The following LHFPL7 variants were observed in gnomAD, a reference collection of about 807,000 sequenced individuals.
LHFPL7 encodes LHFPL tetraspan subfamily member 7 protein.
At chr22:24,937,954 A>G in the LHFPL7 span, among the ~76,000 whole-genome samples, 1 of 152,196 alleles carries the variant, frequency 6.6e-6, no homozygotes, top group African/African-American at 2.4e-5. Context: ...GGGTGACACT[A>G]AGGATGCCAT....
the LHFPL7 span, among the ~76,000 whole-genome samples, chr22:24,944,749 T>TTTA: frequency 6.6e-6 from 1 of 150,670 alleles, no homozygotes; most frequent in East Asian, 1.9e-4. Flanking sequence ...TATTTATTTA[T>TTTA]TTATTTTGGT....
the LHFPL7 span, among the ~76,000 whole-genome samples, chr22:24,941,454 T>C: frequency 6.6e-6 from 1 of 152,144 alleles, no homozygotes; most frequent in Non-Finnish European, 1.5e-5. Flanking sequence ...TGGGTTCCCT[T>C]GAAGCAGATC....
the LHFPL7 span, among the ~76,000 whole-genome samples, chr22:24,936,937 G>T: frequency 2.1e-5 from 3 of 140,436 alleles, no homozygotes; most frequent in African/African-American, 7.9e-5. Context: ...CAACAAACTA[G>T]ACACTGCAAG....
At chr22:24,942,892 AGTGTGTGTGTGTGT>A in the LHFPL7 span, among the ~76,000 whole-genome samples, 44 of 128,126 alleles carry the variant, frequency 3.4e-4, no homozygotes, top group South Asian at 6.1e-4. Flanking sequence ...AAGGGGATAA[AGTGTGTGTGTGTGT>A]GTGTGTGTGT....
the LHFPL7 span, chr22:24,935,525 G>C: frequency 2.5e-6 from 4 of 1,613,806 alleles, no homozygotes; most frequent in South Asian, 4.4e-5. Flanking sequence ...AGGAGGCTTC[G>C]CACACTTCCT....
the LHFPL7 span, among the ~76,000 whole-genome samples, chr22:24,941,284 T>C: frequency 4.6e-5 from 7 of 152,012 alleles, no homozygotes; most frequent in Admixed American, 1.3e-4. Context: ...TTCCCCTGCC[T>C]CAGCCTCCCG....
At chr22:24,940,124 C>T in the LHFPL7 span, among the ~76,000 whole-genome samples, 5 of 149,156 alleles carry the variant, frequency 3.4e-5, no homozygotes, top group Admixed American at 1.3e-4. Flanking sequence ...AGACGGGTTC[C>T]ACCGTGTTAG....
At chr22:24,935,128 C>T in the LHFPL7 span, 9 of 618,546 alleles carry the variant, frequency 1.5e-5, no homozygotes, top group Non-Finnish European at 1.9e-5. Context: ...TTACACAGAG[C>T]ATCTCCAGTG....
At chr22:24,945,416 G>C in the LHFPL7 span, among the ~76,000 whole-genome samples, 1 of 152,182 alleles carries the variant, frequency 6.6e-6, no homozygotes, top group South Asian at 2.1e-4. Context: ...GTTAGGGGAG[G>C]AGGACAAAGA....
chr22:24,939,519 C>T, the LHFPL7 span: 1 of 702,986 alleles, frequency 1.4e-6, no homozygotes. Flanking sequence ...CAGAGCTACC[C>T]ACACACTGCT....
At chr22:24,936,836 T>C in the LHFPL7 span, among the ~76,000 whole-genome samples, 3 of 152,152 alleles carry the variant, frequency 2.0e-5, no homozygotes, top group Non-Finnish European at 1.5e-5. Context: ...GTCAGGTGTT[T>C]CCTGGAGTTT....
the LHFPL7 span, among the ~76,000 whole-genome samples, chr22:24,940,778 CCTCT>C: frequency 9.6e-5 from 14 of 145,968 alleles, no homozygotes; most frequent in East Asian, 2.2e-4. Flanking sequence ...TCCTTCCTTC[CCTCT>C]CTCTCTCTTT....
chr22:24,935,222 G>A, the LHFPL7 span: 3 of 1,405,176 alleles, frequency 2.1e-6, no homozygotes, highest in Non-Finnish European at 2.9e-6. Context: ...AGGTAAAGTG[G>A]CTTGCCTGAA....
chr22:24,939,170 A>G, the LHFPL7 span, among the ~76,000 whole-genome samples: 1 of 152,192 alleles, frequency 6.6e-6, no homozygotes, highest in Admixed American at 6.5e-5. Flanking sequence ...GTCAGGTTGA[A>G]GAACTTCTAT....
At chr22:24,940,156 G>T in the LHFPL7 span, among the ~76,000 whole-genome samples, 4 of 149,710 alleles carry the variant, frequency 2.7e-5, no homozygotes, top group African/African-American at 4.9e-5. Context: ...TCGATCTCCT[G>T]ACCTTGTGAT....
the LHFPL7 span, among the ~76,000 whole-genome samples, chr22:24,938,613 C>A: frequency 2.0e-5 from 3 of 152,288 alleles, no homozygotes; most frequent in African/African-American, 7.2e-5. Context: ...ATTGACTGAC[C>A]AGCATATAGT....
the LHFPL7 span, among the ~76,000 whole-genome samples, chr22:24,945,018 T>C: frequency 8.5e-5 from 13 of 152,054 alleles, no homozygotes; most frequent in Non-Finnish European, 1.5e-4. Flanking sequence ...CCACGTTGGC[T>C]AGGCTGGTGT....
the LHFPL7 span, among the ~76,000 whole-genome samples, chr22:24,940,322 G>A: frequency 8.7e-5 from 13 of 149,300 alleles, no homozygotes; most frequent in South Asian, 4.3e-4. Flanking sequence ...AGCCGGGCGC[G>A]GTGGCTCACG....
At chr22:24,936,400 A>G in the LHFPL7 span, among the ~76,000 whole-genome samples, 1 of 152,144 alleles carries the variant, frequency 6.6e-6, no homozygotes, top group Non-Finnish European at 1.5e-5. Context: ...TCATCCATCT[A>G]CCAATGTATC....
Sources: gnomAD v4.1 joint callset for allele counts (sites outside exome capture counted in the v4.1 genomes callset) on GRCh38, gnomAD v4.1.1 for gene constraint, MANE v1.5 for transcripts, NCBI Gene and HGNC (gene_info 2026-07-23, HGNC 2026-07-21) for gene names.